The following TTLL7 variants were observed in gnomAD, a reference collection of about 807,000 sequenced individuals.
The protein encoded by TTLL7 is tubulin polyglutamylase TTLL7.
Under a neutral mutation model 120.2 loss-of-function variants are expected in TTLL7, and 53 were observed. The observed-to-expected ratio is 0.44, with a 90% CI of 0.35 to 0.55. TTLL7 has a LOEUF of 0.55. TTLL7 is among the 20% of genes least tolerant of loss of function. The pLI is 0.00. For missense variants in TTLL7, 803 were observed against 1,054.7 expected (o/e 0.76, Z 3.31); for synonymous variants, 353 against 351.7 (o/e 1.00, Z -0.04).
intron 19 of TTLL7, chr1:83,887,191 G>A (rs944880868): frequency 1.8e-6 from 2 of 1,116,260 alleles, no homozygotes; most frequent in Non-Finnish European, 1.1e-6. Flanking sequence ...TTTTATTATT[G>A]GGAATGTTGA....
intron 14 of TTLL7, 91 bp downstream of exon 14, chr1:83,917,513 T>C: frequency 4.2e-6 from 4 of 957,336 alleles, no homozygotes; most frequent in Non-Finnish European, 6.4e-6. Context: ...GGTTCCTTTT[T>C]TAAAGCAGCA....
chr1:83,892,246 ATG>A (rs1491520541), intron 18 of TTLL7, among the ~76,000 whole-genome samples: 1 of 139,564 alleles, frequency 7.2e-6, no homozygotes, highest in African/African-American at 2.7e-5. Context: ...ATGAATATAT[ATG>A]TATATATGAA....
intron 13 of TTLL7, among the ~76,000 whole-genome samples, chr1:83,918,488 A>C (rs1187108122): frequency 1.3e-5 from 2 of 152,160 alleles, no homozygotes; most frequent in Admixed American, 1.3e-4. Context: ...GTGCAGTAGA[A>C]ATGTGTAAAG....
At chr1:83,937,508 C>T (rs139584580) in intron 8 of TTLL7, among the ~76,000 whole-genome samples, 39 of 152,192 alleles carry the variant, frequency 2.6e-4, no homozygotes, top group Non-Finnish European at 5.6e-4. Context: ...CGGCCTAGTA[C>T]AGTAATGTTT....
intron 20 of TTLL7, among the ~76,000 whole-genome samples, chr1:83,877,120 C>G (rs150613348): frequency 6.6e-6 from 1 of 151,974 alleles, no homozygotes; most frequent in African/African-American, 2.4e-5. Flanking sequence ...TGAATTCTAT[C>G]AAGATTTTTA....
At chr1:83,876,622 T>C (rs1360963953) in intron 20 of TTLL7, among the ~76,000 whole-genome samples, 2 of 151,986 alleles carry the variant, frequency 1.3e-5, no homozygotes, top group Non-Finnish European at 2.9e-5. Context: ...TTTTCCTGCA[T>C]AAAGGTCATA....
chr1:83,892,710 A>ATATATG (rs1282361306), intron 18 of TTLL7, among the ~76,000 whole-genome samples: 29 of 149,852 alleles, frequency 1.9e-4, no homozygotes, highest in Non-Finnish European at 2.8e-4. Context: ...ATATGAACAT[A>ATATATG]TGAACATATA....
intron 14 of TTLL7, among the ~76,000 whole-genome samples, 182 bp downstream of exon 14, chr1:83,917,422 A>G (rs532543992): frequency 6.6e-6 from 1 of 152,166 alleles, no homozygotes; most frequent in Admixed American, 6.5e-5. Context: ...GACGAATGAA[A>G]CTAATAAAAC....
chr1:83,919,667 T>C (rs1313188863), intron 13 of TTLL7, 32 bp downstream of exon 13: 1 of 1,573,426 alleles, frequency 6.4e-7, no homozygotes. Flanking sequence ...AGCTTTATTC[T>C]TTTTTCTCTA....
intron 14 of TTLL7, among the ~76,000 whole-genome samples, chr1:83,917,313 C>T (rs549436505): frequency 2.6e-5 from 4 of 152,086 alleles, no homozygotes; most frequent in Non-Finnish European, 5.9e-5. Context: ...AGGTATGAGG[C>T]AAACTTAATA....
chr1:83,965,199 T>C (rs1307548527), intron 1 of TTLL7, among the ~76,000 whole-genome samples: 1 of 152,078 alleles, frequency 6.6e-6, no homozygotes, highest in African/African-American at 2.4e-5. Context: ...TGGTTCTGTG[T>C]TCCCACCCAA....
intron 15 of TTLL7, among the ~76,000 whole-genome samples, chr1:83,909,546 A>G (rs975534267): frequency 2.0e-5 from 3 of 152,072 alleles, no homozygotes; most frequent in African/African-American, 7.2e-5. Context: ...TAAAGAAAGA[A>G]TAAACACAAA....
chr1:83,926,113 C>CAAA (rs35184491), intron 10 of TTLL7, among the ~76,000 whole-genome samples: 68 of 127,128 alleles, frequency 5.3e-4, no homozygotes, highest in Middle Eastern at 4.0e-3. Flanking sequence ...GACTCTGTCT[C>CAAA]AAAAAAAAAA....
Position 83,907,674 on chromosome 1 carries a change from G to C in TTLL7, c.1787-13C>G. On this transcript the variant is annotated splice_polypyrimidine_tract_variant and intron_variant, in intron 15 of 20. Transcript: ENST00000260505. ...CGTCTTATGGAGCCTATCAGTGATG[G>C]AGAAGAGGGATACTACAGTAGCAGT... The C allele has an allele frequency of 6.2e-7, 1 of 1,609,586 alleles. No homozygotes were observed. The highest frequency in any genetic ancestry group is 8.5e-7 in the Non-Finnish European group (1 of 1,177,374).
intron 18 of TTLL7, among the ~76,000 whole-genome samples, chr1:83,900,380 G>T (rs1163404665): frequency 6.6e-6 from 1 of 151,974 alleles, no homozygotes; most frequent in Non-Finnish European, 1.5e-5. Context: ...TCTCAAGGGA[G>T]ATCATAAGAT....
Position 83,904,165 on chromosome 1 carries a change from T to C in TTLL7, c.2128-6A>G, listed in dbSNP as rs200543131. 4.8e-4 allele frequency: 765 copies of C among 1,606,054 alleles called. 5 individuals are homozygous for C. Among genetic ancestry groups the C allele is most frequent in the Non-Finnish European group, 5.4e-5 (64 of 1,176,168 alleles). On this transcript the variant is annotated splice_polypyrimidine_tract_variant and splice_region_variant and intron_variant, in intron 17 of 20. Transcript: ENST00000260505. ...TACTTCCAGTTATCAATGATCTGTTTGGAAGGAGGAACATTAAGAAATTTA... is the reference window on the plus strand; with the variant it reads ...TACTTCCAGTTATCAATGATCTGTTCGGAAGGAGGAACATTAAGAAATTTA...
intron 1 of TTLL7, among the ~76,000 whole-genome samples, chr1:83,997,062 T>C (rs952229498): frequency 3.9e-5 from 6 of 152,198 alleles, no homozygotes; most frequent in African/African-American, 1.4e-4. Flanking sequence ...AAGACCCCAC[T>C]TCTCATACTC....
chr1:83,989,874 C>T (rs999183194), intron 1 of TTLL7, among the ~76,000 whole-genome samples: 4 of 151,994 alleles, frequency 2.6e-5, no homozygotes, highest in African/African-American at 9.7e-5. Flanking sequence ...TTGCAGAGAT[C>T]TTTCACCTCC....
At chr1:83,959,802 C>G (rs1414725002) in intron 1 of TTLL7, among the ~76,000 whole-genome samples, 1 of 151,984 alleles carries the variant, frequency 6.6e-6, no homozygotes, top group Non-Finnish European at 1.5e-5. Flanking sequence ...TACACTCATA[C>G]AATGAAAATA....
Sources: allele counts gnomAD v4.1 joint callset (sites outside exome capture counted in the v4.1 genomes callset), GRCh38; gene constraint gnomAD v4.1.1; transcripts MANE v1.5; gene names NCBI Gene and HGNC (gene_info 2026-07-23, HGNC 2026-07-21).